The following SELENON variants were observed in gnomAD, a reference collection of about 807,000 sequenced individuals.
The protein encoded by SELENON is selenoprotein N, 1.
SELENON carries 44 observed loss-of-function variants against 59.5 expected under a neutral mutation model. The observed-to-expected ratio is 0.74, with a 90% CI of 0.58 to 0.95. The LOEUF (loss-of-function observed/expected upper bound fraction) is 0.95, where lower values mean the gene tolerates loss of function less well. SELENON is among the 40% of genes least tolerant of loss of function. The pLI is 0.00. For missense variants in SELENON, 674 were observed against 721.4 expected, an observed-to-expected ratio of 0.93 and a Z score of 0.75; for synonymous variants, 320 against 305.6, an observed-to-expected ratio of 1.05 and a Z score of -0.49.
chr1:25,816,903 C>T lies in SELENON; in HGVS notation c.*1185C>T, dbSNP rs2048015925. On this transcript the variant is annotated 3_prime_UTR_variant, in exon 13 of 13. Transcript: ENST00000361547. ...CACCTATGGGAAGAAGTAGTCCTCTCTTCCTTCTCCTCTTCAGCTTTTTAA... is the reference window on the plus strand; with the variant it reads ...CACCTATGGGAAGAAGTAGTCCTCTTTTCCTTCTCCTCTTCAGCTTTTTAA... 1 of 152,562 alleles carries T rather than the reference C, an allele frequency of 6.6e-6. No homozygotes were observed. 9.5% of individuals were successfully genotyped at this position (152,562 alleles called of 1,614,324 possible).
chr1:25,817,330 T>C lies in SELENON; in HGVS notation c.*1612T>C, dbSNP rs3203750. On this transcript the variant is annotated 3_prime_UTR_variant, in exon 13 of 13. Transcript: ENST00000361547. ...CCCAGGTTCAAGCAATTCTCTTGCC[T>C]CAGCCTCCCGAGTAGCTGGGATTAC... 0.72 allele frequency: 109,681 copies of C among 152,182 alleles called. 40,973 individuals are homozygous for C. The highest frequency in any genetic ancestry group is 0.97 in the East Asian group (5,017 of 5,190). 9.4% of individuals were successfully genotyped at this position (152,182 alleles called of 1,614,324 possible). A position where few individuals can be genotyped will look rare whatever the true frequency, so the allele number is the denominator to read the frequency against.
In SELENON at chr1:25,806,567, G is replaced by C. The variant is rs555377383; in HGVS notation, c.537+1292G>C. Among the ~76,000 whole-genome samples, 448 of 152,278 alleles carry C rather than the reference G, an allele frequency of 2.9e-3. 3 individuals are homozygous for C. Among genetic ancestry groups the C allele is most frequent in the African/African-American group, 0.01 (420 of 41,548 alleles). ...GCTGTGACCAGGGGCATGGTGGGCTGCTTGCCCAGATGGGGACTGTAGGCG... is the reference window on the plus strand; with the variant it reads ...GCTGTGACCAGGGGCATGGTGGGCTCCTTGCCCAGATGGGGACTGTAGGCG... On this transcript the variant is annotated intron_variant, in intron 4 of 12. Coordinates refer to ENST00000361547, the MANE Select transcript of SELENON (RefSeq NM_020451.3).
rs200724231 is a variant in SELENON, at chr1:25,814,000, G to A, written c.1500+7G>A. ...GGAGCTGGAGGAACTGCAGGTGAGC[G>A]GGCAGGTGGCAGGAACAGGAGCGTC... On this transcript the variant is annotated splice_region_variant and intron_variant, in intron 11 of 12. Transcript: ENST00000361547. 8.9e-5 allele frequency: 143 copies of A among 1,613,328 alleles called. 1 individual carries two copies. The African/African-American group carries it at 1.5e-3, about 17-fold the overall frequency.
At chr1:25,806,820 T>C (rs1019404820) in intron 4 of SELENON, among the ~76,000 whole-genome samples, 1 of 134,316 alleles carries the variant, frequency 7.4e-6, no homozygotes, top group Non-Finnish European at 1.6e-5. Flanking sequence ...AGCCCCTTTC[T>C]TTTTTTTTTT....
chr1:25,808,985 C>A, intron 5 of SELENON, 41 bp from the exon 5 acceptor site: 1 of 1,612,772 alleles, frequency 6.2e-7, no homozygotes, highest in Admixed American at 1.7e-5. Flanking sequence ...CCAGGCCCAG[C>A]GGGACCCAGC....
chr1:25,805,179 G>GC lies in SELENON; in HGVS notation c.446dup (p.Asp150Ter). ...CGGCCAGCTGCGAGGAGGAGGAGTT[G>GC]CCCCCTGACCCTAGCGAGGAGACGC... On this transcript the variant is annotated frameshift_variant, in exon 4 of 13. Coordinates refer to ENST00000361547, the MANE Select transcript of SELENON (RefSeq NM_020451.3). LOFTEE classifies it high-confidence loss of function. 3 of 1,613,956 alleles carry GC rather than the reference G, an allele frequency of 1.9e-6. No homozygotes were observed. Among genetic ancestry groups the GC allele is most frequent in the Non-Finnish European group, 2.5e-6 (3 of 1,179,996 alleles).
chr1:25,811,214 G>A (rs961147461), intron 7 of SELENON, among the ~76,000 whole-genome samples: 1 of 152,220 alleles, frequency 6.6e-6, no homozygotes, highest in African/African-American at 2.4e-5. Context: ...TGTGAATTGC[G>A]AGGGGCAGGG....
rs780754166 is a variant in SELENON at position 25,801,126 on chromosome 1, TGAG to T, written c.271_273del (p.Glu91del). Reference sequence around the variant, plus strand: ...CTGACGGGGATATGTACATCAGCCCTGAGGAGTTCAAACCCATTGCTGAGAAGC... The same window carrying T: ...CTGACGGGGATATGTACATCAGCCCTGAGTTCAAACCCATTGCTGAGAAGC... On this transcript the variant is annotated inframe_deletion, in exon 2 of 13. Transcript: ENST00000361547. 6.2e-7 allele frequency: 1 copy of T among 1,614,114 alleles called. No homozygotes were observed. Among genetic ancestry groups the T allele is most frequent in the South Asian group, 1.1e-5 (1 of 91,076 alleles).
chr1:25,812,122 C>T (rs1572235380), intron 9 of SELENON, among the ~76,000 whole-genome samples: 2 of 152,256 alleles, frequency 1.3e-5, no homozygotes, highest in East Asian at 3.9e-4. Context: ...CAGAGAATCA[C>T]TTGTGGCCAG....
intron 5 of SELENON, 107 bp downstream of exon 4, chr1:25,808,896 C>A: frequency 6.4e-7 from 1 of 1,573,716 alleles, no homozygotes; most frequent in Non-Finnish European, 8.7e-7. Flanking sequence ...CACCTGCTCT[C>A]CTGCCTTCCT....
At chr1:25,805,039 A>G (rs2047893700) in intron 3 of SELENON, 103 bp from the exon 3 acceptor site, 2 of 1,506,464 alleles carry the variant, frequency 1.3e-6, no homozygotes, top group Non-Finnish European at 1.8e-6. Context: ...AGCTACCCCC[A>G]CCCCCTGCCT....
In SELENON at chr1:25,814,138, T is replaced by C; in HGVS notation, c.1562T>C (p.Phe521Ser). 1 of 1,614,122 alleles carries C rather than the reference T, an allele frequency of 6.2e-7. No individual in the cohort carries two copies. Among genetic ancestry groups the C allele is most frequent in the Non-Finnish European group, 8.5e-7 (1 of 1,179,996 alleles). Reference sequence around the variant, plus strand: ...GGCCTGCACCTGGAGAAGTACAGCTTCCCCGTGGAGATGATGATCTGCCTG... The same window carrying C: ...GGCCTGCACCTGGAGAAGTACAGCTCCCCCGTGGAGATGATGATCTGCCTG... The change falls in exon 12 of 13, where the codon TTC (phenylalanine) becomes TCC (serine). Residue 521 changes from phenylalanine (F) to serine (S), a missense_variant. Physicochemically the swap from Phe to Ser is radical, Grantham distance 155. Transcript: ENST00000361547.
At chr1:25,800,806 G>A (rs1557814231) in intron 1 of SELENON, among the ~76,000 whole-genome samples, 1 of 152,124 alleles carries the variant, frequency 6.6e-6, no homozygotes, top group South Asian at 2.1e-4. Flanking sequence ...GGCGGAAGGC[G>A]GAGTGGGGAC....
intron 4 of SELENON, among the ~76,000 whole-genome samples, chr1:25,805,725 T>C (rs2047901188): frequency 6.6e-6 from 1 of 152,136 alleles, no homozygotes; most frequent in Admixed American, 6.5e-5. Flanking sequence ...TCCTGATAGG[T>C]ACTCTGTTGA....
intron 3 of SELENON, among the ~76,000 whole-genome samples, chr1:25,803,145 G>A (rs2047874226): frequency 6.6e-6 from 1 of 152,202 alleles, no homozygotes; most frequent in South Asian, 2.1e-4. Context: ...TCGTCCCCTT[G>A]TGGCCTTGCC....
Position 25,801,093 on chromosome 1 carries a change from C to A in SELENON, c.234C>A (p.Ser78=). Residue 78 remains serine, a synonymous_variant, in exon 2 of 13, where the codon TCC becomes TCA. Transcript: ENST00000361547. ...CAGATGGCCTTTTTCTCTTTTCCTC[C>A]TTGGACACTGACGGGGATATGTACA... The A allele has an allele frequency of 6.2e-7, 1 of 1,614,164 alleles. No individual in the cohort carries two copies. Among genetic ancestry groups the A allele is most frequent in the South Asian group, 1.1e-5 (1 of 91,082 alleles).
intron 10 of SELENON, chr1:25,813,428 C>T (rs6676509): frequency 0.76 from 246,886 of 325,144 alleles, 96,385 homozygotes; most frequent in East Asian, 0.96. Flanking sequence ...AGTACAAGCA[C>T]GGTGAGTGTT....
chr1:25,804,644 GCCC>G (rs1242099442), intron 3 of SELENON, among the ~76,000 whole-genome samples: 1,041 of 61,232 alleles, frequency 0.017, 2 homozygotes, highest in African/African-American at 0.052. Context: ...TGCCCCCCCC[GCCC>G]CCCCCCCCCC....
intron 6 of SELENON, 69 bp from the exon 6 acceptor site, chr1:25,809,614 G>A (rs1032611828): frequency 6.2e-7 from 1 of 1,604,200 alleles, no homozygotes; most frequent in Non-Finnish European, 8.5e-7. Flanking sequence ...TGATGATTCT[G>A]GCCAAGGCTT....
Sources: gnomAD v4.1 joint callset for allele counts (sites outside exome capture counted in the v4.1 genomes callset) on GRCh38, gnomAD v4.1.1 for gene constraint, MANE v1.5 for transcripts, NCBI Gene and HGNC (gene_info 2026-07-23, HGNC 2026-07-21) for gene names.